The following SYNJ2 variants were observed in gnomAD, a reference collection of about 807,000 sequenced individuals.
The protein encoded by SYNJ2 is polyphosphatidylinositol phosphatase SYNJ2.
SYNJ2 carries 116 observed loss-of-function variants against 141.3 expected under a neutral mutation model. That is an observed-to-expected ratio of 0.82 (90% CI 0.71 to 0.96). The LOEUF (loss-of-function observed/expected upper bound fraction) is 0.96, where lower values mean the gene tolerates loss of function less well. Among genes scored for constraint, SYNJ2 ranks in the 40% least tolerant of loss-of-function variants. The pLI, the probability that SYNJ2 is intolerant of heterozygous loss-of-function variation, is 0.00. For missense variants in SYNJ2, 1,873 were observed against 1,934.8 expected (o/e 0.97, Z 0.60); for synonymous variants, 745 against 777.7 (o/e 0.96, Z 0.70).
chr6:158,022,242 T>C (rs1263476292), intron 2 of SYNJ2, among the ~76,000 whole-genome samples: 1 of 152,098 alleles, frequency 6.6e-6, no homozygotes, highest in Non-Finnish European at 1.5e-5. Context: ...GAGGGACAGA[T>C]AGGATGGCTG....
chr6:158,077,062 C>A (rs960106531), intron 17 of SYNJ2, among the ~76,000 whole-genome samples: 2 of 151,254 alleles, frequency 1.3e-5, no homozygotes, highest in African/African-American at 2.4e-5. Flanking sequence ...ATGGCGTGAT[C>A]TTGGCTCACC....
intron 7 of SYNJ2, among the ~76,000 whole-genome samples, chr6:158,060,507 G>C (rs534766872): frequency 2.6e-5 from 4 of 152,196 alleles, no homozygotes; most frequent in Non-Finnish European, 4.4e-5. Context: ...CTCACTGGGG[G>C]TTAGGGCGAT....
In SYNJ2 at chr6:158,041,119, G is replaced by A. The variant is rs557995585; in HGVS notation, c.712-2197G>A. ...CAGCTCATCCCTTCTCCGTGCACAA[G>A]GTGACATGAACTTCATGTAGAGAGA... On this transcript the variant is annotated intron_variant, in intron 4 of 26. Coordinates refer to ENST00000355585, the MANE Select transcript of SYNJ2 (RefSeq NM_003898.4). 1.1e-4 allele frequency among the ~76,000 whole-genome samples: 17 copies of A among 152,272 alleles called. No individual in the cohort carries two copies. The South Asian group carries it at 3.5e-3, about 32-fold the overall frequency.
At chr6:158,073,512 G>T (rs1782072312) in intron 15 of SYNJ2, among the ~76,000 whole-genome samples, 2 of 152,060 alleles carry the variant, frequency 1.3e-5, no homozygotes, top group South Asian at 4.2e-4. Context: ...TTCTACACTG[G>T]TATTGTCTGA....
chr6:158,059,255 A>G lies in SYNJ2; in HGVS notation c.858-2A>G. ...ATCACGCCCACCCCGCTGCCTTTGC[A>G]GGCACATGGTGCTTCTGAAGGAGCA... On this transcript the variant is annotated splice_acceptor_variant, in intron 6 of 26. Transcript: ENST00000355585. LOFTEE classifies it high-confidence loss of function. The G allele has an allele frequency of 6.5e-7, 1 of 1,547,922 alleles. No individual in the cohort carries two copies. Among genetic ancestry groups the G allele is most frequent in the South Asian group, 1.2e-5 (1 of 83,770 alleles).
intron 5 of SYNJ2, among the ~76,000 whole-genome samples, chr6:158,051,299 G>C (rs12665500): frequency 0.13 from 20,494 of 152,042 alleles, 1,671 homozygotes; most frequent in African/African-American, 0.22. Flanking sequence ...CACAGAGCAG[G>C]TAGCCCCTCT....
rs369687937 is a variant in SYNJ2, at chr6:158,096,063, C to T, written c.4190C>T (p.Thr1397Ile). ...SSATSPDSDG[T>I]KAMKPEAAPL... ...GCTACAAGCCCCGACAGCGATGGCA[C>T]CAAAGCGATGAAGCCAGAGGCAGCC... Residue 1397 changes from threonine (T) to isoleucine (I), a missense_variant, in exon 27 of 27, where the codon ACC (threonine) becomes ATC (isoleucine). Thr to Ile is a moderately conservative substitution (Grantham distance 89). Coordinates refer to ENST00000355585, the MANE Select transcript of SYNJ2 (RefSeq NM_003898.4). 3.1e-6 allele frequency: 5 copies of T among 1,614,124 alleles called. No homozygotes were observed. In the African/African-American group the frequency reaches 6.7e-5, roughly 22 times the overall value.
chr6:157,990,985 T>G (rs1777401816), intron 1 of SYNJ2, among the ~76,000 whole-genome samples: 1 of 152,064 alleles, frequency 6.6e-6, no homozygotes, highest in South Asian at 2.1e-4. Flanking sequence ...ACCCCAGCCC[T>G]CAGCACCTGC....
upstream of SYNJ2, among the ~76,000 whole-genome samples, chr6:157,981,399 C>A (rs1397612827): frequency 6.6e-6 from 1 of 152,226 alleles, no homozygotes; most frequent in African/African-American, 2.4e-5. This position sits in a 1 kb window ranked among gnomAD's most constrained non-coding sequence, Gnocchi z 6.4. Context: ...CCGAAGTAGG[C>A]GCAGTTATGA....
At chr6:158,082,167 C>T (rs930476621) in intron 20 of SYNJ2, among the ~76,000 whole-genome samples, 7 of 151,778 alleles carry the variant, frequency 4.6e-5, no homozygotes, top group Non-Finnish European at 7.4e-5. Flanking sequence ...GCCAACATGG[C>T]GAAATCCTGT....
chr6:158,074,059 C>G (rs1373527004), intron 15 of SYNJ2, among the ~76,000 whole-genome samples: 1 of 152,050 alleles, frequency 6.6e-6, no homozygotes, highest in African/African-American at 2.4e-5. Context: ...CAGGAGCTCT[C>G]CGGGGCTGAG....
chr6:158,019,454 G>C (rs2128329069), intron 2 of SYNJ2, among the ~76,000 whole-genome samples: 1 of 152,302 alleles, frequency 6.6e-6, no homozygotes, highest in South Asian at 2.1e-4. Context: ...GTGGGAAATT[G>C]GTCCTAACCA....
In SYNJ2 at chr6:158,071,789, C is replaced by T. The variant is rs1329346927; in HGVS notation, c.2128C>T (p.Pro710Ser). Residue 710 changes from proline (P) to serine (S), a missense_variant, in exon 15 of 27, where the codon CCA becomes TCA. Pro to Ser is a moderately conservative substitution (Grantham distance 74). Transcript: ENST00000355585. The surrounding 1 kb of genome is among the most constrained non-coding windows in gnomAD (Gnocchi z 4.3). ...GGAGATCACCCAGAAACTCTGCTTC[C>T]CAATGGTGAGCGGCGCCGTGGGGAC... ...YKEITQKLCFPMGRNVFSHDY... is the reference protein window; with the variant it reads ...YKEITQKLCFSMGRNVFSHDY... 10 of 1,613,206 alleles carry T rather than the reference C, an allele frequency of 6.2e-6. No homozygotes were observed. Among genetic ancestry groups the T allele is most frequent in the Non-Finnish European group, 8.5e-6 (10 of 1,179,958 alleles).
intron 2 of SYNJ2, among the ~76,000 whole-genome samples, chr6:158,024,717 A>G (rs1218311995): frequency 1.3e-5 from 2 of 152,190 alleles, no homozygotes; most frequent in Non-Finnish European, 2.9e-5. Flanking sequence ...TCAGAACAGG[A>G]CGTAGAAGCA....
At chr6:158,034,634 G>A (rs1683901059) in intron 4 of SYNJ2, among the ~76,000 whole-genome samples, 2 of 152,226 alleles carry the variant, frequency 1.3e-5, no homozygotes, top group Admixed American at 6.5e-5. Context: ...GGCAACAGCT[G>A]CAATTACTTG....
intron 1 of SYNJ2, among the ~76,000 whole-genome samples, chr6:157,991,330 GA>G (rs1164816201): frequency 8.5e-5 from 13 of 152,192 alleles, no homozygotes; most frequent in Non-Finnish European, 1.5e-4. Context: ...ACCTCACCTG[GA>G]GATTCTTGTG....
intron 20 of SYNJ2, among the ~76,000 whole-genome samples, chr6:158,082,604 G>A (rs1456180472): frequency 6.6e-6 from 1 of 152,068 alleles, no homozygotes; most frequent in Non-Finnish European, 1.5e-5. Context: ...AGAGGTTACA[G>A]TGAGCTGAGA....
At position 158,088,798 on chromosome 6, in the gene SYNJ2, T is replaced by G. The variant is rs375485675; in HGVS notation, c.3456+26T>G. The G allele has an allele frequency of 7.1e-6, 11 of 1,556,004 alleles. 1 individual carries two copies. The African/African-American group carries it at 1.5e-4, about 21-fold the overall frequency. On this transcript the variant is annotated intron_variant, in intron 24 of 26. Transcript: ENST00000355585. The stretch of plus-strand genomic sequence containing the variant: ...GTGAGTTCTTCTGCATACATTTCAA[T>G]CCCAAGGGTTTTGCCCCCGGGATAG...
chr6:157,997,097 C>T (rs2128318099), intron 1 of SYNJ2, among the ~76,000 whole-genome samples: 1 of 150,632 alleles, frequency 6.6e-6, no homozygotes, highest in African/African-American at 2.4e-5. Flanking sequence ...ACCCTGCAGC[C>T]CCCACACACC....
Sources: gnomAD v4.1 joint callset for allele counts (sites outside exome capture counted in the v4.1 genomes callset) on GRCh38, gnomAD v4.1.1 for gene constraint, Gnocchi (gnomAD v3.1) non-coding constraint, MANE v1.5 for transcripts, NCBI Gene and HGNC (gene_info 2026-07-23, HGNC 2026-07-21) for gene names.